Variants in RPS6KA2 observed in about 807,000 individuals in gnomAD.
The protein encoded by RPS6KA2 is ribosomal protein S6 kinase A2.
RPS6KA2 carries 42 observed loss-of-function variants against 91.8 expected under a neutral mutation model. The observed-to-expected ratio is 0.46, with a 90% confidence interval of 0.36 to 0.59. The LOEUF (loss-of-function observed/expected upper bound fraction) is 0.59, where lower values mean the gene tolerates loss of function less well. Among genes scored for constraint, RPS6KA2 ranks in the 20% least tolerant of loss-of-function variants. The pLI, the probability that RPS6KA2 is intolerant of heterozygous loss-of-function variation, is 0.00. For synonymous variants in RPS6KA2, 414 were observed against 393.6 expected, an observed-to-expected ratio of 1.05 and a Z score of -0.61; for missense variants, 798 against 978.5, an observed-to-expected ratio of 0.82 and a Z score of 2.46.
chr6:166,836,798 T>C (rs1780328566), intron 2 of RPS6KA2, among the ~76,000 whole-genome samples: 1 of 152,184 alleles, frequency 6.6e-6, no homozygotes, highest in South Asian at 2.1e-4. Flanking sequence ...ATACTGGGTA[T>C]GGTGAGTAGA....
At chr6:166,678,216 G>A (rs967349943) in intron 2 of RPS6KA2, among the ~76,000 whole-genome samples, 1 of 151,944 alleles carries the variant, frequency 6.6e-6, no homozygotes, top group African/African-American at 2.4e-5. Context: ...CCTTATTTCC[G>A]GCCACTTCCC....
At chr6:166,846,575 G>A (rs1780611452) in intron 2 of RPS6KA2, among the ~76,000 whole-genome samples, 1 of 152,114 alleles carries the variant, frequency 6.6e-6, no homozygotes. Context: ...CAATAAATGT[G>A]ATATAGCACA....
intron 11 of RPS6KA2, among the ~76,000 whole-genome samples, chr6:166,467,768 G>A (rs1290004593): frequency 6.6e-6 from 1 of 152,230 alleles, no homozygotes; most frequent in Admixed American, 6.5e-5. Flanking sequence ...TGTGACATGT[G>A]CAGACCCATC....
intron 1 of RPS6KA2, among the ~76,000 whole-genome samples, chr6:166,546,077 ATGGCTCCG>A (rs948389244): frequency 6.6e-6 from 1 of 152,158 alleles, no homozygotes; most frequent in African/African-American, 2.4e-5. Context: ...TGTTTTAGGT[ATGGCTCCG>A]TGACCCCTTC....
intron 2 of RPS6KA2, among the ~76,000 whole-genome samples, chr6:166,833,562 G>A (rs375816458): frequency 2.6e-5 from 4 of 152,102 alleles, no homozygotes; most frequent in Non-Finnish European, 5.9e-5. Context: ...AGTTTCCTCC[G>A]GCAGCCCACA....
intron 2 of RPS6KA2, among the ~76,000 whole-genome samples, chr6:166,727,068 A>G (rs1034813445): frequency 2.0e-5 from 3 of 152,134 alleles, no homozygotes; most frequent in Non-Finnish European, 4.4e-5. Flanking sequence ...TTCGTTCACC[A>G]GGACCACATA....
chr6:166,715,652 G>A (rs1789987938), intron 2 of RPS6KA2, among the ~76,000 whole-genome samples: 1 of 152,196 alleles, frequency 6.6e-6, no homozygotes, highest in Non-Finnish European at 1.5e-5. Context: ...AGGCTATCTG[G>A]TGTAGCCCAT....
chr6:166,471,432 T>C (rs1300657961), intron 10 of RPS6KA2, among the ~76,000 whole-genome samples: 1 of 152,178 alleles, frequency 6.6e-6, no homozygotes, highest in African/African-American at 2.4e-5. Flanking sequence ...GACAGTCCCC[T>C]TACCCTGGAA....
At position 166,412,457 on chromosome 6, in the gene RPS6KA2, A is replaced by C; in HGVS notation, c.*305T>G. ...CTCTCGGCAGAAACAGAAGCCATGT[A>C]TGAGAGGACCCGCGGGCTCTGAAAG... On this transcript the variant is annotated 3_prime_UTR_variant, in exon 21 of 21. Transcript: ENST00000265678. The surrounding 1 kb of genome is among the most constrained non-coding windows in gnomAD (Gnocchi z 4.3). 1 of 216,486 alleles carries C rather than the reference A, an allele frequency of 4.6e-6. No homozygotes were observed. The highest frequency in any genetic ancestry group is 9.2e-6 in the Non-Finnish European group (1 of 108,966). 13.4% of individuals were successfully genotyped at this position (216,486 alleles called of 1,614,324 possible).
chr6:166,455,472 CAAAGGGGCCAAA>C (rs1220597019), intron 12 of RPS6KA2, among the ~76,000 whole-genome samples: 1 of 152,102 alleles, frequency 6.6e-6, no homozygotes, highest in Non-Finnish European at 1.5e-5. Flanking sequence ...TGTCGGCCCT[CAAAGGGGCCAAA>C]AAAGGGGCCT....
At chr6:166,805,382 C>G (rs1346939100) in intron 2 of RPS6KA2, among the ~76,000 whole-genome samples, 9 of 152,294 alleles carry the variant, frequency 5.9e-5, no homozygotes. Context: ...CCTGTCCTTC[C>G]TGCTGAAGTG....
chr6:166,549,608 A>G (rs1447790704), intron 1 of RPS6KA2, among the ~76,000 whole-genome samples: 1 of 152,146 alleles, frequency 6.6e-6, no homozygotes, highest in Non-Finnish European at 1.5e-5. Flanking sequence ...AAAATTATAG[A>G]GGTGAACAGT....
intron 5 of RPS6KA2, among the ~76,000 whole-genome samples, chr6:166,507,390 C>CAGA (rs563166079): frequency 6.8e-6 from 1 of 146,514 alleles, no homozygotes; most frequent in Non-Finnish European, 1.5e-5. Context: ...ACACACACAC[C>CAGA]CACCCCACAT....
intron 2 of RPS6KA2, among the ~76,000 whole-genome samples, chr6:166,817,467 T>C (rs1052331434): frequency 6.6e-6 from 1 of 152,130 alleles, no homozygotes; most frequent in African/African-American, 2.4e-5. Flanking sequence ...GATATCTCCA[T>C]GTAAATTTTA....
At chr6:166,591,490 G>A (rs763342440) in intron 1 of RPS6KA2, among the ~76,000 whole-genome samples, 31 of 152,122 alleles carry the variant, frequency 2.0e-4, no homozygotes, top group Non-Finnish European at 4.3e-4. Context: ...CAGAGGAGGC[G>A]AGTGGCCCTA....
intron 2 of RPS6KA2, among the ~76,000 whole-genome samples, chr6:166,645,415 T>A: frequency 6.6e-6 from 1 of 152,192 alleles, no homozygotes; most frequent in East Asian, 1.9e-4. Flanking sequence ...GAGTTTCCGT[T>A]TAGCCGCTTT....
At chr6:166,670,175 T>C (rs955743212) in intron 2 of RPS6KA2, among the ~76,000 whole-genome samples, 6 of 152,230 alleles carry the variant, frequency 3.9e-5, no homozygotes, top group African/African-American at 1.4e-4. Flanking sequence ...CCCTTCCCTA[T>C]GTAAAGGTAA....
intron 10 of RPS6KA2, among the ~76,000 whole-genome samples, chr6:166,473,304 G>T (rs1780842088): frequency 6.6e-6 from 1 of 151,988 alleles, no homozygotes; most frequent in Non-Finnish European, 1.5e-5. Context: ...GATCCTCCCA[G>T]CTCAGTCTCC....
chr6:166,743,525 T>C (rs1173422887), intron 2 of RPS6KA2, among the ~76,000 whole-genome samples: 1 of 152,216 alleles, frequency 6.6e-6, no homozygotes, highest in East Asian at 1.9e-4. Flanking sequence ...CAGCAGAAAG[T>C]GCTGGTCCTT....
Sources: gnomAD v4.1 joint callset for allele counts (sites outside exome capture counted in the v4.1 genomes callset) on GRCh38, gnomAD v4.1.1 for gene constraint, Gnocchi (gnomAD v3.1) non-coding constraint, MANE v1.5 for transcripts, NCBI Gene and HGNC (gene_info 2026-07-23, HGNC 2026-07-21) for gene names.